SCHIP1: variants seen among roughly 807,000 people sequenced by gnomAD.
SCHIP1 encodes schwannomin-interacting protein 1.
Under a neutral mutation model 29.7 loss-of-function variants are expected in SCHIP1, and 8 were observed. The observed-to-expected ratio is 0.27, with a 90% CI of 0.16 to 0.49. SCHIP1 has a LOEUF of 0.49. SCHIP1 is among the 20% of genes least tolerant of loss of function. The pLI is 0.99. For synonymous variants in SCHIP1, 76 were observed against 94.9 expected (o/e 0.80, Z 1.16); for missense variants, 193 against 294.6 (o/e 0.66, Z 2.52).
chr3:159,408,621 G>A, the SCHIP1 span, among the ~76,000 whole-genome samples: 3 of 152,128 alleles, frequency 2.0e-5, no homozygotes, highest in East Asian at 5.8e-4. Context: ...CCAATAGCAA[G>A]TAACAAGATC....
the SCHIP1 span, among the ~76,000 whole-genome samples, chr3:159,577,013 G>A: frequency 3.3e-5 from 5 of 152,076 alleles, 1 homozygote; most frequent in Middle Eastern, 6.8e-3. Context: ...CTTCTGTATT[G>A]CCAAAAGCAG....
the SCHIP1 span, among the ~76,000 whole-genome samples, chr3:159,443,765 C>T: frequency 1.3e-5 from 2 of 152,176 alleles, no homozygotes; most frequent in Admixed American, 1.3e-4. Context: ...CCTCGGCCTC[C>T]CAAAGTGCTG....
the SCHIP1 span, among the ~76,000 whole-genome samples, chr3:159,696,537 A>G: frequency 6.6e-6 from 1 of 152,222 alleles, no homozygotes; most frequent in Non-Finnish European, 1.5e-5. Context: ...GCCATAAATA[A>G]CATATTTATT....
At chr3:159,479,064 T>G in the SCHIP1 span, among the ~76,000 whole-genome samples, 1 of 152,110 alleles carries the variant, frequency 6.6e-6, no homozygotes, top group Admixed American at 6.5e-5. Context: ...CTAATATGCA[T>G]CAATTTTTTA....
chr3:159,738,095 A>G, the SCHIP1 span, among the ~76,000 whole-genome samples: 2 of 152,156 alleles, frequency 1.3e-5, no homozygotes, highest in Non-Finnish European at 2.9e-5. Context: ...AGGTGTAATA[A>G]ACTATAAAGT....
chr3:159,681,083 G>A, the SCHIP1 span, among the ~76,000 whole-genome samples: 1 of 151,882 alleles, frequency 6.6e-6, no homozygotes, highest in South Asian at 2.1e-4. Context: ...TGTGAACTAC[G>A]GGTCCCATGT....
chr3:159,388,934 G>A, the SCHIP1 span, among the ~76,000 whole-genome samples: 2 of 151,884 alleles, frequency 1.3e-5, no homozygotes, highest in African/African-American at 2.4e-5. Flanking sequence ...CTAAATATAC[G>A]AATTTATTAA....
chr3:159,798,059 A>G, the SCHIP1 span, among the ~76,000 whole-genome samples: 6 of 152,334 alleles, frequency 3.9e-5, no homozygotes, highest in Admixed American at 2.0e-4. Flanking sequence ...CTTAGTTTCA[A>G]CTTGGTGGCA....
chr3:159,610,817 C>T, the SCHIP1 span, among the ~76,000 whole-genome samples: 3,730 of 152,054 alleles, frequency 0.025, 86 homozygotes, highest in Middle Eastern at 0.095. Context: ...AAATTCTGGT[C>T]ATTTTTCAGT....
At chr3:159,273,898 T>C in the SCHIP1 span, 1 of 1,613,060 alleles carries the variant, frequency 6.2e-7, no homozygotes, top group Non-Finnish European at 8.5e-7. Context: ...GTTTTACAAA[T>C]GTCTACCATC....
At chr3:159,642,864 A>G in the SCHIP1 span, among the ~76,000 whole-genome samples, 1 of 152,082 alleles carries the variant, frequency 6.6e-6, no homozygotes, top group African/African-American at 2.4e-5. Flanking sequence ...TGTCAGGTCT[A>G]CAGTGTAGGG....
At chr3:159,389,256 T>C in the SCHIP1 span, among the ~76,000 whole-genome samples, 1 of 152,092 alleles carries the variant, frequency 6.6e-6, no homozygotes, top group East Asian at 1.9e-4. Flanking sequence ...GGGGTATTTT[T>C]AAAGCATCTT....
intron 3 of SCHIP1, chr3:159,887,448 A>T (rs1717072884): frequency 2.5e-6 from 1 of 402,500 alleles, no homozygotes; most frequent in South Asian, 3.2e-5. Context: ...TGAGGCCAAG[A>T]ATCAAAGACA....
intron 1 of SCHIP1, among the ~76,000 whole-genome samples, chr3:159,841,106 TAAC>T (rs927421815): frequency 3.9e-5 from 6 of 152,238 alleles, no homozygotes; most frequent in African/African-American, 1.4e-4. Flanking sequence ...TTCTCTAACT[TAAC>T]AATGCTTCTT....
the SCHIP1 span, among the ~76,000 whole-genome samples, chr3:159,421,729 G>A: frequency 6.6e-6 from 1 of 152,114 alleles, no homozygotes; most frequent in African/African-American, 2.4e-5. Context: ...CTGGAGTTTG[G>A]GATTGGGACT....
chr3:159,329,797 G>A, the SCHIP1 span, among the ~76,000 whole-genome samples: 2 of 151,924 alleles, frequency 1.3e-5, no homozygotes, highest in Admixed American at 1.3e-4. Context: ...TTATAGCAAT[G>A]TTTCCCAATT....
At chr3:159,769,866 A>G in the SCHIP1 span, among the ~76,000 whole-genome samples, 1 of 152,262 alleles carries the variant, frequency 6.6e-6, no homozygotes, top group Non-Finnish European at 1.5e-5. Flanking sequence ...TGGCATATGT[A>G]TGTGTTTTGA....
chr3:159,767,921 C>G, the SCHIP1 span, among the ~76,000 whole-genome samples: 1 of 152,164 alleles, frequency 6.6e-6, no homozygotes, highest in Non-Finnish European at 1.5e-5. Context: ...TTTTTTAACT[C>G]TATAACCTAT....
chr3:159,721,888 G>T, the SCHIP1 span: 6 of 431,302 alleles, frequency 1.4e-5, no homozygotes, highest in Admixed American at 1.6e-4. Flanking sequence ...TGGCTAGAAA[G>T]CATCTCCTCT....
Sources: gnomAD v4.1 joint callset for allele counts (sites outside exome capture counted in the v4.1 genomes callset) on GRCh38, gnomAD v4.1.1 for gene constraint, MANE v1.5 for transcripts, NCBI Gene and HGNC (gene_info 2026-07-23, HGNC 2026-07-21) for gene names.